HERC3: variants seen among roughly 807,000 people sequenced by gnomAD.
The protein encoded by HERC3 is HECT and RLD domain containing E3 ubiquitin protein ligase 3, also known as probable E3 ubiquitin-protein ligase HERC3.
HERC3 carries 58 observed loss-of-function variants against 129.9 expected under a neutral mutation model. The observed-to-expected ratio is 0.45, with a 90% CI of 0.36 to 0.56. The LOEUF (loss-of-function observed/expected upper bound fraction) is 0.56. HERC3 is among the 20% of genes least tolerant of loss of function. The probability of loss-of-function intolerance (pLI) is 0.00; values close to 1 mark genes in which losing one functional copy is unlikely to be tolerated. For missense variants in HERC3, 835 were observed against 1,244.2 expected (o/e 0.67, Z 4.95); for synonymous variants, 430 against 451.0 (o/e 0.95, Z 0.59).
the HERC3 span, among the ~76,000 whole-genome samples, chr4:88,547,489 T>C: frequency 6.6e-6 from 1 of 152,214 alleles, no homozygotes; most frequent in South Asian, 2.1e-4. Context: ...GATTACATAC[T>C]TATTAGCACT....
At chr4:88,646,094 A>G (rs910241840) in intron 3 of HERC3, among the ~76,000 whole-genome samples, 12 of 152,200 alleles carry the variant, frequency 7.9e-5, no homozygotes, top group Non-Finnish European at 1.5e-4. Context: ...TGTCCATCCC[A>G]GTTCCACCAA....
At chr4:88,586,178 C>T in the HERC3 span, among the ~76,000 whole-genome samples, 2 of 152,200 alleles carry the variant, frequency 1.3e-5, no homozygotes, top group Non-Finnish European at 2.9e-5. Flanking sequence ...GCAATTTAAA[C>T]ATTCAACAGG....
chr4:88,599,104 A>G (rs998616492), intron 2 of HERC3, among the ~76,000 whole-genome samples: 3 of 152,228 alleles, frequency 2.0e-5, no homozygotes, highest in Admixed American at 1.3e-4. Context: ...ATGCCCAGCG[A>G]TGCAGACCGT....
At chr4:88,665,161 TG>T (rs1335104964) in intron 12 of HERC3, among the ~76,000 whole-genome samples, 1 of 152,136 alleles carries the variant, frequency 6.6e-6, no homozygotes, top group African/African-American at 2.4e-5. Flanking sequence ...GATAGATGGA[TG>T]TATCTAGAGA....
chr4:88,555,571 C>G, the HERC3 span, among the ~76,000 whole-genome samples: 2 of 152,266 alleles, frequency 1.3e-5, no homozygotes, highest in Admixed American at 6.5e-5. Flanking sequence ...TTATCATTAA[C>G]TGGTAGGTTT....
At chr4:88,610,428 T>A (rs954034518) in intron 3 of HERC3, among the ~76,000 whole-genome samples, 1 of 120,974 alleles carries the variant, frequency 8.3e-6, no homozygotes, top group African/African-American at 3.1e-5. Flanking sequence ...CACTCCAGCC[T>A]GGGGGACAGA....
chr4:88,547,195 T>C, the HERC3 span, among the ~76,000 whole-genome samples: 1 of 152,220 alleles, frequency 6.6e-6, no homozygotes, highest in Non-Finnish European at 1.5e-5. Context: ...TCTAGTGAAA[T>C]TCCAGTTCTT....
At chr4:88,644,968 T>C (rs1238314835) in intron 3 of HERC3, among the ~76,000 whole-genome samples, 1 of 152,062 alleles carries the variant, frequency 6.6e-6, no homozygotes, top group East Asian at 1.9e-4. Context: ...CTTAGTCATG[T>C]TGTGGGAGGC....
chr4:88,647,018 A>C (rs1728760500), intron 3 of HERC3, among the ~76,000 whole-genome samples: 2 of 152,128 alleles, frequency 1.3e-5, no homozygotes, highest in African/African-American at 4.8e-5. Context: ...TCAGCCTTGC[A>C]CCAGGCACAA....
At chr4:88,529,230 G>A in the HERC3 span, among the ~76,000 whole-genome samples, 5 of 152,174 alleles carry the variant, frequency 3.3e-5, no homozygotes, top group African/African-American at 9.7e-5. Flanking sequence ...AATCCTGCAC[G>A]AGGCAGGAGG....
At chr4:88,539,577 G>C in the HERC3 span, among the ~76,000 whole-genome samples, 1 of 152,116 alleles carries the variant, frequency 6.6e-6, no homozygotes, top group African/African-American at 2.4e-5. Context: ...GTGGCACGGC[G>C]TTTGAGCTCT....
the HERC3 span, among the ~76,000 whole-genome samples, chr4:88,544,761 C>T: frequency 6.6e-6 from 1 of 152,146 alleles, no homozygotes; most frequent in African/African-American, 2.4e-5. Context: ...AGTTCATGTC[C>T]TTTGCAGGGA....
chr4:88,640,575 T>G (rs1167436423), intron 3 of HERC3, among the ~76,000 whole-genome samples: 1 of 151,830 alleles, frequency 6.6e-6, no homozygotes, highest in African/African-American at 2.4e-5. Flanking sequence ...GGCCTTTTGG[T>G]GGGGAGCGAG....
chr4:88,544,207 T>G, the HERC3 span, among the ~76,000 whole-genome samples: 1 of 152,012 alleles, frequency 6.6e-6, no homozygotes, highest in African/African-American at 2.4e-5. Flanking sequence ...CTACAAGGAA[T>G]GAAAACAAAT....
chr4:88,610,677 C>G (rs560865921), intron 3 of HERC3, among the ~76,000 whole-genome samples: 2 of 152,270 alleles, frequency 1.3e-5, no homozygotes, highest in East Asian at 3.9e-4. Flanking sequence ...TCAGATATGC[C>G]TCAGTGCACA....
At chr4:88,552,897 G>C in the HERC3 span, among the ~76,000 whole-genome samples, 68,974 of 151,974 alleles carry the variant, frequency 0.45, 19,485 homozygotes, top group African/African-American at 0.79. Context: ...TCCCTCTTTC[G>C]CTACCCTCCA....
intron 21 of HERC3, among the ~76,000 whole-genome samples, chr4:88,684,079 A>G (rs963573820): frequency 2.6e-5 from 4 of 152,234 alleles, no homozygotes; most frequent in African/African-American, 9.6e-5. Context: ...TATTCCCATC[A>G]AGCTACCATT....
At chr4:88,606,774 A>C (rs889712548) in intron 3 of HERC3, among the ~76,000 whole-genome samples, 1 of 152,134 alleles carries the variant, frequency 6.6e-6, no homozygotes, top group Non-Finnish European at 1.5e-5. Flanking sequence ...TGCCCCCATA[A>C]TTCATTTACC....
At chr4:88,676,558 T>G in intron 18 of HERC3, 135 bp downstream of exon 18, 1 of 663,082 alleles carries the variant, frequency 1.5e-6, no homozygotes, top group Non-Finnish European at 2.6e-6. Flanking sequence ...GTTTGAAACT[T>G]TTCAGTAATT....
Sources: allele counts gnomAD v4.1 joint callset (sites outside exome capture counted in the v4.1 genomes callset), GRCh38; gene constraint gnomAD v4.1.1; transcripts MANE v1.5; gene names NCBI Gene and HGNC (gene_info 2026-07-23, HGNC 2026-07-21).